Variants in LAMB1 observed in about 807,000 individuals in gnomAD.
LAMB1 encodes the protein laminin subunit beta 1.
LAMB1 carries 121 observed loss-of-function variants against 222.3 expected under a neutral mutation model. The ratio of observed to expected loss-of-function variants is 0.54; its 90% CI spans 0.47 to 0.63. The LOEUF is 0.63. LAMB1 is among the 30% of genes least tolerant of loss of function. The pLI, the probability that LAMB1 is intolerant of heterozygous loss-of-function variation, is 0.00. For synonymous variants in LAMB1, 794 were observed against 807.2 expected (o/e 0.98, Z 0.28); for missense variants, 2,172 against 2,240.8 (o/e 0.97, Z 0.62).
At chr7:108,002,784 C>A (rs925160234) in intron 2 of LAMB1, 65 bp downstream of exon 2, 27 of 1,610,008 alleles carry the variant, frequency 1.7e-5, no homozygotes, top group Admixed American at 6.7e-5. Flanking sequence ...GAGCAAGCAG[C>A]TTTTGGGTTT....
intron 24 of LAMB1, among the ~76,000 whole-genome samples, chr7:107,950,873 G>C (rs1468440386): frequency 6.6e-6 from 1 of 151,810 alleles, no homozygotes; most frequent in African/African-American, 2.4e-5. Flanking sequence ...GGTTCACATG[G>C]TCCCACCTTG....
intron 16 of LAMB1, 68 bp downstream of exon 16, chr7:107,961,481 C>T (rs2033499436): frequency 1.3e-6 from 2 of 1,587,308 alleles, no homozygotes; most frequent in African/African-American, 1.4e-5. Context: ...TGAAAACTCG[C>T]AAAATATTAG....
chr7:107,940,132 G>A lies in LAMB1; in HGVS notation c.3618C>T (p.Ala1206=). ...RTHRFLEKAK[A]LKISGVIGPY... is the part of the protein sequence containing the mutation. The stretch of plus-strand genomic sequence containing the variant: ...GCCCGATCACACCACTGATCTTCAA[G>A]GCCTTGGCTTTCTCCAGGAATCTGT... The change falls in exon 25 of 34, where the codon GCC becomes GCT. Residue 1206 remains alanine (A), a synonymous_variant. Transcript: ENST00000222399. The A allele has an allele frequency of 6.2e-7, 1 of 1,614,034 alleles. No homozygotes were observed. Among genetic ancestry groups the A allele is most frequent in the South Asian group, 1.1e-5 (1 of 91,066 alleles).
rs2032943181 is a variant in LAMB1, at chr7:107,940,080, C to T, written c.3670G>A (p.Glu1224Lys). 3.1e-6 allele frequency: 5 copies of T among 1,614,162 alleles called. No individual in the cohort carries two copies. Among genetic ancestry groups the T allele is most frequent in the East Asian group, 4.5e-5 (2 of 44,884 alleles). ...GPYRETVDSV[E>K]RKVSEIKDIL... ...TCTTTTATCTCGCTGACTTTCCTCT[C>T]CACCGAGTCCACAGTCTCACGGTAA... The change falls in exon 25 of 34, where the codon GAG becomes AAG. Residue 1224 changes from glutamate to lysine, a missense_variant. Physicochemically the swap from Glu to Lys is moderately conservative, Grantham distance 56 (BLOSUM62 1). Transcript: ENST00000222399.
intron 12 of LAMB1, among the ~76,000 whole-genome samples, chr7:107,973,584 C>T (rs1584520428): frequency 6.6e-6 from 1 of 152,306 alleles, no homozygotes; most frequent in East Asian, 1.9e-4. Flanking sequence ...AGAAATGGAA[C>T]AGTAGGGAAG....
In LAMB1 at chr7:107,926,641, T is replaced by C. The variant is rs7791392; in HGVS notation, c.4888-282A>G. ...GTAAAAAAAAACAAAAAACCCCACC[T>C]CCCCAAGGAGCATGATGTGTTGAGA... On this transcript the variant is annotated intron_variant, in intron 31 of 33. Coordinates refer to ENST00000222399, the MANE Select transcript of LAMB1 (RefSeq NM_002291.3). 0.077 allele frequency among the ~76,000 whole-genome samples: 11,756 copies of C among 151,972 alleles called. 1,530 individuals carry two copies. The highest frequency in any genetic ancestry group is 0.27 in the African/African-American group (11,128 of 41,386).
intron 13 of LAMB1, among the ~76,000 whole-genome samples, chr7:107,965,288 T>G (rs1173133288): frequency 6.6e-6 from 1 of 152,206 alleles, no homozygotes; most frequent in Non-Finnish European, 1.5e-5. Context: ...ATGCTAAATA[T>G]AAGAAATGCG....
At chr7:107,964,285 T>A (rs1004294727) in intron 14 of LAMB1, among the ~76,000 whole-genome samples, 3 of 152,122 alleles carry the variant, frequency 2.0e-5, no homozygotes, top group African/African-American at 7.2e-5. Context: ...GGAGCATAAG[T>A]AGAGAGAAGA....
At chr7:107,989,240 G>A (rs1206046739) in intron 5 of LAMB1, among the ~76,000 whole-genome samples, 1 of 152,184 alleles carries the variant, frequency 6.6e-6, no homozygotes, top group Non-Finnish European at 1.5e-5. Flanking sequence ...AACAGGCAAA[G>A]GTTTTGACAC....
chr7:107,954,177 T>C (rs1385721459), intron 21 of LAMB1, among the ~76,000 whole-genome samples: 1 of 151,966 alleles, frequency 6.6e-6, no homozygotes, highest in Non-Finnish European at 1.5e-5. Flanking sequence ...TTTTAAGACA[T>C]GGGGCCTTGC....
intron 13 of LAMB1, among the ~76,000 whole-genome samples, chr7:107,967,977 G>A (rs565543107): frequency 1.3e-5 from 2 of 152,284 alleles, no homozygotes; most frequent in African/African-American, 4.8e-5. Context: ...GAGAGGACTT[G>A]ACAGGCAGAG....
At position 107,946,196 on chromosome 7, in the gene LAMB1, G is replaced by T. The variant is rs563651838; in HGVS notation, c.3391+5030C>A. Among the ~76,000 whole-genome samples, 11 of 152,318 alleles carry T rather than the reference G, an allele frequency of 7.2e-5. No homozygotes were observed. In the South Asian group the frequency reaches 1.7e-3, roughly 23 times the overall value. On this transcript the variant is annotated intron_variant, in intron 24 of 33. Coordinates refer to ENST00000222399, the MANE Select transcript of LAMB1 (RefSeq NM_002291.3). The stretch of plus-strand genomic sequence containing the variant: ...ACTCCAGGATCTGCTGCAATGCCAA[G>T]AATTTTACTGATACTTTACTTAGGC...
chr7:107,978,330 G>A (rs1318764167), intron 8 of LAMB1, among the ~76,000 whole-genome samples, 163 bp from the exon 9 acceptor site: 1 of 152,092 alleles, frequency 6.6e-6, no homozygotes, highest in Non-Finnish European at 1.5e-5. Flanking sequence ...CCTGCAGTGA[G>A]TTGTCTGTCT....
chr7:107,952,027 G>T lies in LAMB1; in HGVS notation c.3276C>A (p.Phe1092Leu), dbSNP rs946517228. 1 of 1,611,846 alleles carries T rather than the reference G, an allele frequency of 6.2e-7. No individual in the cohort carries two copies. The highest frequency in any genetic ancestry group is 8.5e-7 in the Non-Finnish European group (1 of 1,178,504). The change falls in exon 23 of 34, where the codon TTC becomes TTA. Residue 1092 changes from phenylalanine to leucine, a missense_variant. Transcript: ENST00000222399. ...DPCNCNAAHS[F>L]GPSCNEFTGQ... ...CCCTCACCTCATTGCAAGATGGCCC[G>T]AAGGAATGAGCAGCATTGCAGTTGC... is the stretch of plus-strand genomic sequence containing the variant.
At position 107,960,584 on chromosome 7, in the gene LAMB1, C is replaced by G; in HGVS notation, c.2175G>C (p.Val725=). ...IFTVGGSGDG[V]VTNSAWETFQ... ...AGGTTTCCCAGGCACTGTTGGTGAC[C>G]ACCCCATCTCCTGAACCTCCCACGG... The change falls in exon 18 of 34, where the codon GTG becomes GTC. Residue 725 remains valine, a synonymous_variant. Transcript: ENST00000222399. 1 of 1,614,192 alleles carries G rather than the reference C, an allele frequency of 6.2e-7. No individual in the cohort carries two copies. The highest frequency in any genetic ancestry group is 8.5e-7 in the Non-Finnish European group (1 of 1,180,004).
intron 8 of LAMB1, 148 bp downstream of exon 8, chr7:107,980,461 C>A: frequency 3.2e-6 from 2 of 615,566 alleles, no homozygotes; most frequent in Non-Finnish European, 5.7e-6. Context: ...AATCAACAAT[C>A]AGCTACCTGT....
intron 6 of LAMB1, 41 bp downstream of exon 6, chr7:107,986,134 T>C: frequency 6.2e-7 from 1 of 1,610,606 alleles, no homozygotes; most frequent in Non-Finnish European, 8.5e-7. Flanking sequence ...AATCAAAAAG[T>C]AGATTTGCAA....
chr7:107,958,872 T>C (rs1428447722), intron 20 of LAMB1, among the ~76,000 whole-genome samples: 2 of 152,202 alleles, frequency 1.3e-5, no homozygotes, highest in Non-Finnish European at 2.9e-5. Context: ...AAATGACTAA[T>C]CCCATTTGGA....
At chr7:107,924,415 G>C (rs1168782752) in intron 32 of LAMB1, 26 bp from the exon 33 acceptor site, 1 of 1,566,402 alleles carries the variant, frequency 6.4e-7, no homozygotes, top group Admixed American at 1.8e-5. Flanking sequence ...TAGACAGAAA[G>C]AAGTGGTAAT....
Sources: gnomAD v4.1 joint callset for allele counts (sites outside exome capture counted in the v4.1 genomes callset) on GRCh38, gnomAD v4.1.1 for gene constraint, MANE v1.5 for transcripts, NCBI Gene and HGNC (gene_info 2026-07-23, HGNC 2026-07-21) for gene names.